PCDHA9: variants seen among roughly 807,000 people sequenced by gnomAD.
PCDHA9 encodes the protein protocadherin alpha 9.
In PCDHA9, 62 loss-of-function variants were observed where a neutral mutation model predicts 62.0. The ratio of observed to expected loss-of-function variants is 1.00; its 90% confidence interval spans 0.81 to 1.23. PCDHA9 has a LOEUF of 1.23. Ranked by LOEUF, PCDHA9 falls within the 50% of genes most tolerant of loss-of-function variation. PCDHA9 has a pLI of 0.00. For missense variants in PCDHA9, 1,205 were observed against 1,249.8 expected, an observed-to-expected ratio of 0.96 and a Z score of 0.54; for synonymous variants, 557 against 567.6, an observed-to-expected ratio of 0.98 and a Z score of 0.27.
chr5:141,002,246 C>G (rs1217451636), intron 3 of PCDHA9, among the ~76,000 whole-genome samples: 1 of 152,190 alleles, frequency 6.6e-6, no homozygotes, highest in Non-Finnish European at 1.5e-5. Flanking sequence ...CTTTATTAAC[C>G]TCAGCACTGA....
chr5:140,856,367 G>C, intron 1 of PCDHA9: 1 of 1,598,612 alleles, frequency 6.3e-7, no homozygotes, highest in Non-Finnish European at 8.6e-7. Context: ...CCACCTGGAG[G>C]TGATCGTGGA....
At chr5:140,851,276 T>C in intron 1 of PCDHA9, 3 of 1,056,768 alleles carry the variant, frequency 2.8e-6, no homozygotes, top group Non-Finnish European at 3.5e-6. Context: ...TTGTATTGTT[T>C]ATAAGAAACC....
chr5:140,896,228 G>C (rs567886194), intron 1 of PCDHA9, among the ~76,000 whole-genome samples: 1 of 152,298 alleles, frequency 6.6e-6, no homozygotes, highest in South Asian at 2.1e-4. Context: ...CTTTATAGTA[G>C]AATGACTTAT....
rs541589842 is a variant in PCDHA9, at chr5:140,964,001, A to G, written c.2395-14948A>G. Reference sequence around the variant, plus strand: ...TCTATATTCCTAATTACTGTGTTCTACTTTTTAATAGAGAGCTCTTGAAGG... The same window carrying G: ...TCTATATTCCTAATTACTGTGTTCTGCTTTTTAATAGAGAGCTCTTGAAGG... On this transcript the variant is annotated intron_variant, in intron 1 of 3. Transcript: ENST00000532602. Among the ~76,000 whole-genome samples the G allele has an allele frequency of 9.2e-5, 14 of 152,286 alleles. No homozygotes were observed. The South Asian group carries it at 2.7e-3, about 29-fold the overall frequency.
chr5:140,955,001 A>G (rs551398126), intron 1 of PCDHA9, among the ~76,000 whole-genome samples: 101 of 152,200 alleles, frequency 6.6e-4, no homozygotes, highest in Middle Eastern at 6.8e-3. Flanking sequence ...TGGCTAGCCA[A>G]TTCTCCCAGC....
chr5:140,921,268 C>G (rs2080134153), intron 1 of PCDHA9, among the ~76,000 whole-genome samples: 1 of 151,980 alleles, frequency 6.6e-6, no homozygotes, highest in Non-Finnish European at 1.5e-5. Context: ...GACTTTTATA[C>G]TTACTTGAAA....
intron 1 of PCDHA9, among the ~76,000 whole-genome samples, chr5:140,918,114 G>C (rs989175486): frequency 5.8e-4 from 89 of 152,144 alleles, no homozygotes; most frequent in African/African-American, 2.1e-3. Flanking sequence ...TCACATCCTT[G>C]ATTAGCCATA....
intron 1 of PCDHA9, among the ~76,000 whole-genome samples, chr5:140,904,491 T>G (rs2071172626): frequency 6.6e-6 from 1 of 151,972 alleles, no homozygotes; most frequent in Non-Finnish European, 1.5e-5. Context: ...TGATTCCAAA[T>G]TTTTACAATT....
At chr5:140,857,294 A>G in intron 1 of PCDHA9, 2 of 1,598,576 alleles carry the variant, frequency 1.3e-6, no homozygotes, top group Non-Finnish European at 1.7e-6. Context: ...GGACCGCGAG[A>G]GGGTGTCGGC....
chr5:140,905,864 A>C (rs265313), intron 1 of PCDHA9, among the ~76,000 whole-genome samples: 7,097 of 152,260 alleles, frequency 0.047, 295 homozygotes, highest in African/African-American at 0.11. Context: ...AACTCACACA[A>C]TCACAAGGCC....
At chr5:140,966,763 G>C (rs1020607410) in intron 1 of PCDHA9, 1 of 1,470,370 alleles carries the variant, frequency 6.8e-7, no homozygotes, top group Non-Finnish European at 9.0e-7. Flanking sequence ...CGCGGCCAGT[G>C]GCTATGGAGC....
intron 1 of PCDHA9, chr5:140,863,342 T>G: frequency 7.5e-7 from 1 of 1,338,916 alleles, no homozygotes; most frequent in Non-Finnish European, 1.0e-6. Flanking sequence ...ACGTTGCTGC[T>G]GTACACGACG....
intron 1 of PCDHA9, among the ~76,000 whole-genome samples, chr5:140,974,548 G>A (rs2096631054): frequency 6.6e-6 from 1 of 152,068 alleles, no homozygotes; most frequent in South Asian, 2.1e-4. Context: ...TTTTGCTCTT[G>A]TTGCCCAGGC....
chr5:140,936,820 T>C (rs2091164037), intron 1 of PCDHA9, among the ~76,000 whole-genome samples: 1 of 152,236 alleles, frequency 6.6e-6, no homozygotes, highest in Non-Finnish European at 1.5e-5. Flanking sequence ...TTTTTGGCCC[T>C]TTGCATTTCT....
intron 1 of PCDHA9, among the ~76,000 whole-genome samples, chr5:140,936,918 T>C (rs2091208385): frequency 6.6e-6 from 1 of 152,198 alleles, no homozygotes; most frequent in Non-Finnish European, 1.5e-5. Flanking sequence ...CTGTAGAAAA[T>C]ATGGGGTATA....
At position 140,848,924 on chromosome 5, in the gene PCDHA9, G is replaced by A. The variant is rs2150425105; in HGVS notation, c.429G>A (p.Ala143=). The part of the protein sequence containing the change: ...FPATQKNLFI[A]ESRPLDSRFP... ...CGACACAAAAGAATCTGTTCATCGCGGAATCCAGGCCGCTTGACTCTCGGT... is the reference window on the plus strand; with the variant it reads ...CGACACAAAAGAATCTGTTCATCGCAGAATCCAGGCCGCTTGACTCTCGGT... The change falls in exon 1 of 4, where the codon GCG becomes GCA. Residue 143 remains alanine, a synonymous_variant. Transcript: ENST00000532602. The A allele has an allele frequency of 3.1e-6, 5 of 1,607,706 alleles. No individual in the cohort carries two copies. Among genetic ancestry groups the A allele is most frequent in the Admixed American group, 1.7e-5 (1 of 59,242 alleles).
chr5:140,970,881 C>T (rs1316692542), intron 1 of PCDHA9, among the ~76,000 whole-genome samples: 1 of 152,050 alleles, frequency 6.6e-6, no homozygotes, highest in Non-Finnish European at 1.5e-5. Flanking sequence ...GTAGATTTTT[C>T]TCATGGACAT....
intron 1 of PCDHA9, among the ~76,000 whole-genome samples, chr5:140,913,435 C>T (rs2153526525): frequency 6.6e-6 from 1 of 152,202 alleles, no homozygotes; most frequent in South Asian, 2.1e-4. Context: ...GTAATGCCTC[C>T]TTTTTCAGCT....
chr5:140,860,129 G>GTGTGTATATA (rs1168748861), intron 1 of PCDHA9: 1 of 150,592 alleles, frequency 6.6e-6, no homozygotes, highest in Non-Finnish European at 1.5e-5. Flanking sequence ...TACTGTGTGT[G>GTGTGTATATA]TGTGTATATA....
Sources: gnomAD v4.1 joint callset for allele counts (sites outside exome capture counted in the v4.1 genomes callset) on GRCh38, gnomAD v4.1.1 for gene constraint, MANE v1.5 for transcripts, NCBI Gene and HGNC (gene_info 2026-07-23, HGNC 2026-07-21) for gene names.